Variants in EBF1 observed in about 807,000 individuals in gnomAD.
EBF1 encodes the protein transcription factor COE1.
Under a neutral mutation model 68.4 loss-of-function variants are expected in EBF1, and 10 were observed. The observed-to-expected ratio is 0.15, with a 90% CI of 0.09 to 0.25. The LOEUF (loss-of-function observed/expected upper bound fraction) is 0.25. Among genes scored for constraint, EBF1 ranks in the 10% least tolerant of loss-of-function variants. EBF1 has a pLI of 1.00. For missense variants in EBF1, 509 were observed against 794.4 expected, an observed-to-expected ratio of 0.64 and a Z score of 4.32; for synonymous variants, 298 against 299.8, an observed-to-expected ratio of 0.99 and a Z score of 0.06.
chr5:158,783,157 ATGTG>A (rs1371393653), intron 9 of EBF1, among the ~76,000 whole-genome samples: 1 of 152,128 alleles, frequency 6.6e-6, no homozygotes, highest in African/African-American at 2.4e-5. Context: ...TCTTCCTCCT[ATGTG>A]TATGTATTTC....
intron 6 of EBF1, among the ~76,000 whole-genome samples, chr5:158,860,956 T>C (rs1794866535): frequency 6.6e-6 from 1 of 152,168 alleles, no homozygotes; most frequent in African/African-American, 2.4e-5. Context: ...CTGGGTAGAT[T>C]AACCTCCAAG....
chr5:158,870,203 GT>G (rs1164790471), intron 6 of EBF1, among the ~76,000 whole-genome samples: 7 of 152,092 alleles, frequency 4.6e-5, no homozygotes, highest in Admixed American at 1.3e-4. Flanking sequence ...CATAATTGAG[GT>G]GATGTGAACA....
chr5:158,951,265 G>A (rs2127501345), intron 6 of EBF1, among the ~76,000 whole-genome samples: 1 of 152,318 alleles, frequency 6.6e-6, no homozygotes. Flanking sequence ...ACTAAACAGT[G>A]GCTCTATTAT....
chr5:158,825,091 T>G (rs544291769), intron 7 of EBF1, among the ~76,000 whole-genome samples: 76 of 152,324 alleles, frequency 5.0e-4, no homozygotes, highest in Admixed American at 4.6e-3. Flanking sequence ...ATGCAGAAGT[T>G]TGCAGAGTGG....
chr5:158,905,704 A>G (rs975531762), intron 6 of EBF1, among the ~76,000 whole-genome samples: 3 of 152,054 alleles, frequency 2.0e-5, no homozygotes, highest in Non-Finnish European at 4.4e-5. Context: ...ACCATAAACC[A>G]TTTTTTCTTG....
At chr5:158,730,192 A>G (rs1383545783) in intron 11 of EBF1, among the ~76,000 whole-genome samples, 1 of 152,244 alleles carries the variant, frequency 6.6e-6, no homozygotes, top group Non-Finnish European at 1.5e-5. Flanking sequence ...GCCGTCAGTA[A>G]ACAGTGAATG....
At chr5:158,968,629 T>C (rs77341267) in intron 6 of EBF1, among the ~76,000 whole-genome samples, 7,686 of 152,168 alleles carry the variant, frequency 0.051, 273 homozygotes, top group Non-Finnish European at 0.072. Flanking sequence ...AAACACATAC[T>C]TAAAAAATTG....
chr5:159,044,573 C>T (rs537715883), intron 6 of EBF1, among the ~76,000 whole-genome samples: 1 of 152,040 alleles, frequency 6.6e-6, no homozygotes, highest in Non-Finnish European at 1.5e-5. Flanking sequence ...GTGTAAGTCA[C>T]GAGGCAGAAA....
intron 6 of EBF1, among the ~76,000 whole-genome samples, chr5:158,933,434 C>A (rs1811327969): frequency 6.6e-6 from 1 of 152,122 alleles, no homozygotes; most frequent in African/African-American, 2.4e-5. Flanking sequence ...TAACATTTTC[C>A]CAATCAAATT....
intron 6 of EBF1, among the ~76,000 whole-genome samples, chr5:158,942,333 C>T (rs1464079518): frequency 6.6e-6 from 1 of 152,196 alleles, no homozygotes; most frequent in African/African-American, 2.4e-5. Flanking sequence ...AATCAGACCA[C>T]CTGCATTCAA....
chr5:158,832,514 G>A (rs1486857578), intron 7 of EBF1, among the ~76,000 whole-genome samples: 1 of 152,164 alleles, frequency 6.6e-6, no homozygotes, highest in Non-Finnish European at 1.5e-5. Flanking sequence ...ATCGCAGCTC[G>A]GGCCCCTAGC....
intron 11 of EBF1, among the ~76,000 whole-genome samples, chr5:158,715,720 G>A (rs540184070): frequency 6.6e-6 from 1 of 152,254 alleles, no homozygotes; most frequent in East Asian, 1.9e-4. Context: ...TTTGTTTGCT[G>A]TAGTAGTGTC....
intron 6 of EBF1, among the ~76,000 whole-genome samples, chr5:158,901,118 A>G (rs1251237589): frequency 2.0e-5 from 3 of 152,218 alleles, no homozygotes; most frequent in Admixed American, 6.5e-5. Context: ...AGTTAAAATC[A>G]TCTTCCTTGT....
chr5:158,969,919 A>AGAAAGAAG (rs199980397), intron 6 of EBF1, among the ~76,000 whole-genome samples: 614 of 60,202 alleles, frequency 0.01, 45 homozygotes, highest in East Asian at 0.012. Context: ...AAAGAAAGAA[A>AGAAAGAAG]AAAAAAAAAA....
intron 6 of EBF1, among the ~76,000 whole-genome samples, chr5:158,894,397 G>A (rs1025006): frequency 0.33 from 49,679 of 151,844 alleles, 8,743 homozygotes; most frequent in South Asian, 0.57. Flanking sequence ...ATAGAAGGCA[G>A]ATAAATAAAA....
intron 1 of EBF1, chr5:159,097,464 C>T (rs999670777): frequency 3.1e-6 from 1 of 326,972 alleles, no homozygotes. Flanking sequence ...AGAAAAGTGG[C>T]GGTGGATGAA....
intron 8 of EBF1, 152 bp from the exon 9 acceptor site, chr5:158,796,627 A>G: frequency 1.1e-6 from 1 of 911,958 alleles, no homozygotes; most frequent in African/African-American, 1.7e-5. Flanking sequence ...CCACATTAGG[A>G]CCTGAAACTT....
chr5:158,925,438 C>A (rs187784418), intron 6 of EBF1, among the ~76,000 whole-genome samples: 2 of 152,310 alleles, frequency 1.3e-5, no homozygotes, highest in Admixed American at 6.5e-5. Flanking sequence ...GATTTCCTGG[C>A]CTCCCTTGTG....
chr5:158,780,431 A>C lies in EBF1; in HGVS notation c.910-2892T>G, dbSNP rs1776211282. On this transcript the variant is annotated intron_variant, in intron 9 of 15. Coordinates refer to ENST00000313708, the MANE Select transcript of EBF1 (RefSeq NM_024007.5). ...AATTTTTCAAACTTTCATCATTGGA[A>C]TATCACTTTCTTAGTTTTGTCATAT... Among the ~76,000 whole-genome samples the C allele has an allele frequency of 2.0e-5, 3 of 152,176 alleles. No homozygotes were observed. In the South Asian group the frequency reaches 6.2e-4, roughly 32 times the overall value.
Sources: allele counts gnomAD v4.1 joint callset (sites outside exome capture counted in the v4.1 genomes callset), GRCh38; gene constraint gnomAD v4.1.1; transcripts MANE v1.5; gene names NCBI Gene and HGNC (gene_info 2026-07-23, HGNC 2026-07-21).